EYS: variants seen among roughly 807,000 people sequenced by gnomAD.
EYS encodes the protein protein eyes shut homolog.
Under a neutral mutation model 282.1 loss-of-function variants are expected in EYS, and 250 were observed. The ratio of observed to expected loss-of-function variants is 0.89; its 90% CI spans 0.80 to 0.98. EYS has a LOEUF of 0.98. EYS is among the 50% of genes least tolerant of loss of function. EYS has a pLI of 0.00. For synonymous variants in EYS, 1,355 were observed against 1,282.9 expected, an observed-to-expected ratio of 1.06 and a Z score of -1.20; for missense variants, 4,016 against 3,709.0, an observed-to-expected ratio of 1.08 and a Z score of -2.15.
At chr6:64,564,902 T>C (rs1359853216) in intron 26 of EYS, among the ~76,000 whole-genome samples, 3 of 152,180 alleles carry the variant, frequency 2.0e-5, no homozygotes, top group African/African-American at 7.2e-5. Context: ...TACCTTACTT[T>C]GGTTTTGATG....
chr6:64,479,422 ATTTAC>A (rs1776369069), intron 26 of EYS, among the ~76,000 whole-genome samples: 1 of 151,914 alleles, frequency 6.6e-6, no homozygotes, highest in Non-Finnish European at 1.5e-5. Context: ...TAATTTTGCC[ATTTAC>A]TTTACATTAC....
intron 15 of EYS, among the ~76,000 whole-genome samples, chr6:64,944,010 A>G (rs1769190221): frequency 6.6e-6 from 1 of 152,118 alleles, no homozygotes; most frequent in African/African-American, 2.4e-5. Context: ...TAAAACAACA[A>G]CAATAACAGA....
At chr6:64,569,239 A>C (rs928754481) in intron 26 of EYS, among the ~76,000 whole-genome samples, 1 of 151,618 alleles carries the variant, frequency 6.6e-6, no homozygotes, top group African/African-American at 2.4e-5. Flanking sequence ...GAAGCTAAGA[A>C]CCTTGAAAAA....
chr6:65,005,575 A>C (rs1156945824), intron 13 of EYS, among the ~76,000 whole-genome samples: 1 of 147,378 alleles, frequency 6.8e-6, no homozygotes, highest in Non-Finnish European at 1.5e-5. Flanking sequence ...CTTCCTTAGA[A>C]CTGGAGGAAA....
chr6:65,222,159 C>A (rs572695780), intron 12 of EYS, among the ~76,000 whole-genome samples: 7 of 152,220 alleles, frequency 4.6e-5, no homozygotes, highest in African/African-American at 1.7e-4. Flanking sequence ...TGAATTAAGA[C>A]TTTGGGGAAC....
At chr6:64,182,250 C>T (rs2150312128) in intron 31 of EYS, among the ~76,000 whole-genome samples, 1 of 152,258 alleles carries the variant, frequency 6.6e-6, no homozygotes, top group African/African-American at 2.4e-5. Context: ...CCTACAATCA[C>T]ACTATTTCCC....
At chr6:64,411,925 G>GTATATATGTTTATATGTGCATGCATA (rs1561980315) in intron 28 of EYS, among the ~76,000 whole-genome samples, 1 of 117,318 alleles carries the variant, frequency 8.5e-6, no homozygotes, top group East Asian at 2.8e-4. Context: ...ATGCATGCAT[G>GTATATATGTTTATATGTGCATGCATA]TATGTATATA....
At chr6:65,617,127 T>G (rs945792176) in intron 2 of EYS, among the ~76,000 whole-genome samples, 4 of 152,190 alleles carry the variant, frequency 2.6e-5, no homozygotes, top group African/African-American at 9.6e-5. Flanking sequence ...TTAATGTGCT[T>G]GTTTCTGCAG....
chr6:64,914,965 A>C (rs1049360413), intron 15 of EYS, among the ~76,000 whole-genome samples: 1 of 152,100 alleles, frequency 6.6e-6, no homozygotes, highest in African/African-American at 2.4e-5. Context: ...TATTTACTTA[A>C]TATTTTATTT....
intron 19 of EYS, among the ~76,000 whole-genome samples, chr6:64,873,965 T>C (rs1339679677): frequency 6.6e-6 from 1 of 152,062 alleles, no homozygotes; most frequent in South Asian, 2.1e-4. Flanking sequence ...TAATGGATTA[T>C]ATTTCTATTT....
intron 31 of EYS, among the ~76,000 whole-genome samples, chr6:64,201,026 T>C (rs35980648): frequency 0.31 from 46,782 of 151,920 alleles, 7,301 homozygotes; most frequent in East Asian, 0.5. Context: ...TTTTCTGGGG[T>C]CTGAAACATA....
chr6:64,974,131 A>C lies in EYS; in HGVS notation c.2259+23451T>G, dbSNP rs1011620846. ...TAATTTCTTAAAATCATTTGTTTAT[A>C]TATTTATAAATTGCCTTAAGGAACA... is the stretch of plus-strand genomic sequence containing the variant. On this transcript the variant is annotated intron_variant, in intron 14 of 42. Coordinates refer to ENST00000503581, the MANE Select transcript of EYS (RefSeq NM_001142800.2). Among the ~76,000 whole-genome samples the C allele has an allele frequency of 5.3e-5, 8 of 151,924 alleles. No individual in the cohort carries two copies. In the South Asian group the frequency reaches 1.4e-3, roughly 27 times the overall value.
At chr6:65,557,209 G>A (rs1768850660) in intron 2 of EYS, among the ~76,000 whole-genome samples, 1 of 152,152 alleles carries the variant, frequency 6.6e-6, no homozygotes, top group South Asian at 2.1e-4. Flanking sequence ...TGCTAGGCTT[G>A]CTCCGCCCAC....
chr6:65,358,996 G>A (rs1363496142), intron 8 of EYS, among the ~76,000 whole-genome samples: 1 of 151,974 alleles, frequency 6.6e-6, no homozygotes, highest in African/African-American at 2.4e-5. Context: ...ACACAAACAT[G>A]CCTTTGGAAG....
chr6:63,847,813 C>T (rs1249045707), intron 36 of EYS, among the ~76,000 whole-genome samples: 1 of 152,136 alleles, frequency 6.6e-6, no homozygotes, highest in South Asian at 2.1e-4. Context: ...TTTGTACATA[C>T]CCAATTTTAT....
intron 2 of EYS, among the ~76,000 whole-genome samples, chr6:65,558,764 C>T (rs1194991162): frequency 6.6e-6 from 1 of 152,206 alleles, no homozygotes; most frequent in Admixed American, 6.5e-5. Context: ...ATTTATTCTG[C>T]AAATGCATCA....
At chr6:65,515,978 C>A (rs571094126) in intron 2 of EYS, among the ~76,000 whole-genome samples, 1 of 151,892 alleles carries the variant, frequency 6.6e-6, no homozygotes, top group African/African-American at 2.4e-5. Context: ...TATACTAAAG[C>A]TCTTTAGGGA....
chr6:64,560,651 T>A (rs1765365940), intron 26 of EYS, among the ~76,000 whole-genome samples: 1 of 152,124 alleles, frequency 6.6e-6, no homozygotes, highest in African/African-American at 2.4e-5. Context: ...GTGTCCTACA[T>A]AATTTCATGA....
intron 12 of EYS, among the ~76,000 whole-genome samples, chr6:65,156,908 C>T (rs898368931): frequency 9.3e-5 from 14 of 150,884 alleles, no homozygotes; most frequent in African/African-American, 2.9e-4. Flanking sequence ...CATCCCAGTC[C>T]CTTAACTTAA....
Sources: allele counts gnomAD v4.1 joint callset (sites outside exome capture counted in the v4.1 genomes callset), GRCh38; gene constraint gnomAD v4.1.1; transcripts MANE v1.5; gene names NCBI Gene and HGNC (gene_info 2026-07-23, HGNC 2026-07-21).